The following SH2D4B variants were observed in gnomAD, a reference collection of about 807,000 sequenced individuals.
The protein encoded by SH2D4B is SH2 domain-containing protein 4B.
Under a neutral mutation model 61.5 loss-of-function variants are expected in SH2D4B, and 45 were observed. The ratio of observed to expected loss-of-function variants is 0.73; its 90% CI spans 0.58 to 0.94. SH2D4B has a LOEUF of 0.94. Ranked by LOEUF, SH2D4B falls within the 40% of genes least tolerant of loss-of-function variation. The pLI is 0.00. For synonymous variants in SH2D4B, 224 were observed against 220.4 expected (o/e 1.02, Z -0.14); for missense variants, 572 against 574.2 (o/e 1.00, Z 0.04).
chr10:80,612,606 A>G (rs1015779342), intron 6 of SH2D4B, among the ~76,000 whole-genome samples: 4 of 152,290 alleles, frequency 2.6e-5, no homozygotes, highest in African/African-American at 7.2e-5. Flanking sequence ...ATGGGAAAAT[A>G]TATTCTGTCT....
At chr10:80,641,654 A>G (rs1245942999) in intron 7 of SH2D4B, among the ~76,000 whole-genome samples, 3 of 152,260 alleles carry the variant, frequency 2.0e-5, no homozygotes, top group African/African-American at 7.2e-5. Flanking sequence ...TTCCTGTATA[A>G]TAGAAGCTGC....
chr10:80,571,405 T>G, intron 2 of SH2D4B, 26 bp from the exon 3 acceptor site: 1 of 1,611,372 alleles, frequency 6.2e-7, no homozygotes, highest in Non-Finnish European at 8.5e-7. Flanking sequence ...TCACACAAGC[T>G]TATACCTGTG....
chr10:80,565,154 T>TA (rs1198891664), intron 1 of SH2D4B, among the ~76,000 whole-genome samples: 1 of 152,218 alleles, frequency 6.6e-6, no homozygotes, highest in Non-Finnish European at 1.5e-5. Flanking sequence ...ACTCCTAAGT[T>TA]ACGGTTTCAG....
At chr10:80,572,839 C>A (rs898504808) in intron 3 of SH2D4B, among the ~76,000 whole-genome samples, 76 of 146,984 alleles carry the variant, frequency 5.2e-4, no homozygotes, top group African/African-American at 1.8e-3. Context: ...AGGCTGGTCT[C>A]GAACTCCTGA....
At chr10:80,642,786 G>C (rs879896662) in intron 7 of SH2D4B, among the ~76,000 whole-genome samples, 6 of 152,188 alleles carry the variant, frequency 3.9e-5, no homozygotes, top group African/African-American at 7.2e-5. Flanking sequence ...ATGGGTCCTG[G>C]AACTGGAATT....
intron 6 of SH2D4B, among the ~76,000 whole-genome samples, chr10:80,623,034 C>A (rs996367470): frequency 2.6e-5 from 4 of 152,212 alleles, no homozygotes; most frequent in Admixed American, 1.3e-4. Flanking sequence ...CCTGCTTCAG[C>A]CTCCCGAGTA....
intron 3 of SH2D4B, among the ~76,000 whole-genome samples, chr10:80,583,387 A>C (rs973871639): frequency 2.0e-4 from 31 of 151,988 alleles, no homozygotes; most frequent in African/African-American, 7.0e-4. Context: ...CAACAGATGG[A>C]GCCGGGCGCG....
At chr10:80,640,300 T>A (rs1840267996) in intron 7 of SH2D4B, among the ~76,000 whole-genome samples, 1 of 152,154 alleles carries the variant, frequency 6.6e-6, no homozygotes, top group African/African-American at 2.4e-5. Flanking sequence ...ATCTTTGTGG[T>A]GTTCTCTGTA....
intron 6 of SH2D4B, among the ~76,000 whole-genome samples, chr10:80,632,190 A>T (rs1842840690): frequency 6.6e-6 from 1 of 152,080 alleles, no homozygotes; most frequent in African/African-American, 2.4e-5. Context: ...TACTGGGCTC[A>T]GGTGATCCTC....
At position 80,538,168 on chromosome 10, in the gene SH2D4B, G is replaced by A. The variant is rs74143169; in HGVS notation, c.-164G>A. Reference sequence around the variant, plus strand: ...CCTGGGTAGAGGAGATGAGTTCGTCGCTGGCTGCAAGCTGAGGCCAACTGA... The same window carrying A: ...CCTGGGTAGAGGAGATGAGTTCGTCACTGGCTGCAAGCTGAGGCCAACTGA... On this transcript the variant is annotated 5_prime_UTR_variant, in exon 1 of 8. Transcript: ENST00000646907. This position sits in a 1 kb window ranked among gnomAD's most constrained non-coding sequence, Gnocchi z 4.8. 7.5e-3 allele frequency: 3,692 copies of A among 495,362 alleles called. 88 individuals are homozygous for A. Among genetic ancestry groups the A allele is most frequent in the African/African-American group, 0.063 (3,184 of 50,280 alleles). The allele number at this position is 495,362 out of a possible 1,614,324, so 30.7% of individuals were successfully genotyped here.
At chr10:80,558,110 G>A (rs1392987678) in intron 1 of SH2D4B, among the ~76,000 whole-genome samples, 1 of 151,380 alleles carries the variant, frequency 6.6e-6, no homozygotes, top group African/African-American at 2.4e-5. Context: ...ACTTAGAATT[G>A]TGTTCTTTAG....
chr10:80,602,482 A>T (rs974851022), intron 4 of SH2D4B, among the ~76,000 whole-genome samples: 4 of 152,124 alleles, frequency 2.6e-5, no homozygotes, highest in Admixed American at 6.5e-5. Context: ...ATATATACAC[A>T]TCTATTAATA....
intron 1 of SH2D4B, among the ~76,000 whole-genome samples, chr10:80,560,372 A>T (rs1172327963): frequency 2.8e-5 from 4 of 144,512 alleles, no homozygotes; most frequent in African/African-American, 1.0e-4. Flanking sequence ...ATATTCTTAG[A>T]TTTTTTTTTT....
rs1236966912 is a variant in SH2D4B at position 80,565,752 on chromosome 10, G to A, written c.185-4402G>A. Among the ~76,000 whole-genome samples, 9 of 152,168 alleles carry A rather than the reference G, an allele frequency of 5.9e-5. No individual in the cohort carries two copies. The East Asian group carries it at 1.7e-3, about 29-fold the overall frequency. ...TTGCAAAAGTTTTCCAGTGGCTCCA[G>A]GAATCACTGCTTCATTCCTGGCAGG... On this transcript the variant is annotated intron_variant, in intron 1 of 7. Transcript: ENST00000646907.
intron 6 of SH2D4B, among the ~76,000 whole-genome samples, chr10:80,615,967 C>T (rs942995600): frequency 3.9e-5 from 6 of 152,102 alleles, no homozygotes; most frequent in Non-Finnish European, 8.8e-5. Flanking sequence ...AATAGACAAA[C>T]ATGGTGGCAC....
chr10:80,644,379 C>T lies in SH2D4B; in HGVS notation c.*294C>T, dbSNP rs1054317038. The T allele has an allele frequency of 1.0e-5, 3 of 293,974 alleles. No individual in the cohort carries two copies. The highest frequency in any genetic ancestry group is 2.3e-4 in the South Asian group (2 of 8,572). The allele number at this position is 293,974 out of a possible 1,614,324, so 18.2% of individuals were successfully genotyped here. A position where few individuals can be genotyped will look rare whatever the true frequency, so the allele number is the denominator to read the frequency against. On this transcript the variant is annotated 3_prime_UTR_variant, in exon 8 of 8. Transcript: ENST00000646907. ...TGCCGTAAACCGAGCTCTTACAGTG[C>T]GTGGACCATGTTTTAATAATCCAAA... is the stretch of plus-strand genomic sequence containing the variant.
intron 1 of SH2D4B, among the ~76,000 whole-genome samples, chr10:80,545,157 C>T (rs1841655168): frequency 1.3e-5 from 2 of 152,182 alleles, no homozygotes; most frequent in Non-Finnish European, 2.9e-5. Context: ...ACATTTAGTA[C>T]ATTCAAAATA....
chr10:80,564,404 G>A (rs1841941293), intron 1 of SH2D4B, among the ~76,000 whole-genome samples: 4 of 152,188 alleles, frequency 2.6e-5, no homozygotes, highest in Admixed American at 2.0e-4. Flanking sequence ...GCACTTGCAA[G>A]ATTCCTTTCT....
At chr10:80,549,203 TTGTGTG>T (rs1554874982) in intron 1 of SH2D4B, among the ~76,000 whole-genome samples, 2 of 120,230 alleles carry the variant, frequency 1.7e-5, no homozygotes, top group South Asian at 2.7e-4. Context: ...TGGGACTTGA[TTGTGTG>T]TGTGTGTGTG....
Sources: gnomAD v4.1 joint callset for allele counts (sites outside exome capture counted in the v4.1 genomes callset) on GRCh38, gnomAD v4.1.1 for gene constraint, Gnocchi (gnomAD v3.1) non-coding constraint, MANE v1.5 for transcripts, NCBI Gene and HGNC (gene_info 2026-07-23, HGNC 2026-07-21) for gene names.